Variants in CDYL observed in about 807,000 individuals in gnomAD.
The protein encoded by CDYL is chromodomain Y-like protein.
A neutral mutation model predicts 47.3 loss-of-function variants in CDYL; 8 were observed. The observed-to-expected ratio is 0.17, with a 90% CI of 0.10 to 0.31. CDYL has a LOEUF of 0.31. Among genes scored for constraint, CDYL ranks in the 10% least tolerant of loss-of-function variants. CDYL has a pLI of 1.00. For synonymous variants in CDYL, 266 were observed against 265.0 expected (o/e 1.00, Z -0.04); for missense variants, 471 against 701.4 (o/e 0.67, Z 3.71).
At chr6:4,708,029 T>C (rs1324881860) in intron 1 of CDYL, among the ~76,000 whole-genome samples, 1 of 152,188 alleles carries the variant, frequency 6.6e-6, no homozygotes, top group Non-Finnish European at 1.5e-5. Context: ...GAAAACATTG[T>C]CAGAATGGGA....
At chr6:4,870,066 TATTC>T (rs1761431584) in intron 1 of CDYL, among the ~76,000 whole-genome samples, 1 of 152,204 alleles carries the variant, frequency 6.6e-6, no homozygotes, top group African/African-American at 2.4e-5. Flanking sequence ...AAAAATAATT[TATTC>T]ATTTATTGTT....
chr6:4,892,441 A>G, intron 2 of CDYL, 62 bp downstream of exon 2: 1 of 1,504,548 alleles, frequency 6.6e-7, no homozygotes. Context: ...GTCCTTCTCT[A>G]GAGATCAGGC....
At chr6:4,752,896 G>A (rs1758018821) in intron 3 of CDYL, among the ~76,000 whole-genome samples, 1 of 150,362 alleles carries the variant, frequency 6.7e-6, no homozygotes, top group African/African-American at 2.5e-5. Flanking sequence ...AGGTAGGTAG[G>A]TATGTAGGTA....
At chr6:4,786,821 C>G (rs1758769148) in intron 1 of CDYL, among the ~76,000 whole-genome samples, 1 of 152,166 alleles carries the variant, frequency 6.6e-6, no homozygotes, top group Admixed American at 6.5e-5. Context: ...AAGTTTCCAC[C>G]CTTTTTCTCC....
intron 2 of CDYL, among the ~76,000 whole-genome samples, chr6:4,919,056 T>C (rs1757636411): frequency 6.6e-6 from 1 of 152,204 alleles, no homozygotes; most frequent in African/African-American, 2.4e-5. Flanking sequence ...CTGTATAGTT[T>C]TGCATAGTTT....
intron 1 of CDYL, among the ~76,000 whole-genome samples, chr6:4,818,637 C>T (rs1035713618): frequency 6.6e-6 from 1 of 152,130 alleles, no homozygotes; most frequent in Non-Finnish European, 1.5e-5. Flanking sequence ...CCTTGTTTTC[C>T]TACTCATATT....
chr6:4,806,894 A>G (rs1476585236), intron 1 of CDYL, among the ~76,000 whole-genome samples: 2 of 152,246 alleles, frequency 1.3e-5, no homozygotes, highest in Non-Finnish European at 2.9e-5. Context: ...GGCTCAGGCA[A>G]CAGACATTTG....
intron 1 of CDYL, among the ~76,000 whole-genome samples, chr6:4,843,731 G>T (rs1054487573): frequency 6.6e-6 from 1 of 151,692 alleles, no homozygotes; most frequent in African/African-American, 2.4e-5. Context: ...TTCCTATCTT[G>T]TATCATTTTT....
chr6:4,868,456 C>T (rs941502779), intron 1 of CDYL, among the ~76,000 whole-genome samples: 2 of 151,794 alleles, frequency 1.3e-5, no homozygotes, highest in Non-Finnish European at 2.9e-5. Context: ...GGCCATTAAA[C>T]ACAATTTTCT....
At chr6:4,863,115 C>T (rs115065413) in intron 1 of CDYL, among the ~76,000 whole-genome samples, 1 of 152,260 alleles carries the variant, frequency 6.6e-6, no homozygotes, top group East Asian at 1.9e-4. Context: ...AAATCAAATA[C>T]CACATTTTCA....
At chr6:4,824,507 G>A (rs1759925382) in intron 1 of CDYL, among the ~76,000 whole-genome samples, 1 of 152,124 alleles carries the variant, frequency 6.6e-6, no homozygotes. Flanking sequence ...ATGCTTATTA[G>A]CTATTTGTAT....
intron 1 of CDYL, among the ~76,000 whole-genome samples, chr6:4,807,183 G>A (rs1164433146): frequency 2.0e-5 from 3 of 152,186 alleles, no homozygotes; most frequent in South Asian, 4.1e-4. Flanking sequence ...CACATTCTGA[G>A]GTTATAATGG....
At chr6:4,855,408 A>C (rs1317146904) in intron 1 of CDYL, among the ~76,000 whole-genome samples, 1 of 152,090 alleles carries the variant, frequency 6.6e-6, no homozygotes, top group Admixed American at 6.5e-5. Context: ...CTCCCACCTC[A>C]TCCTCTGGAG....
intron 2 of CDYL, among the ~76,000 whole-genome samples, chr6:4,917,374 G>A (rs922463395): frequency 2.0e-5 from 3 of 152,182 alleles, no homozygotes; most frequent in Non-Finnish European, 4.4e-5. Flanking sequence ...CCACAAGACT[G>A]ACTGTTTCTG....
intron 3 of CDYL, among the ~76,000 whole-genome samples, chr6:4,752,911 GATA>G (rs1758019603): frequency 1.3e-5 from 2 of 148,434 alleles, no homozygotes; most frequent in Non-Finnish European, 3.0e-5. Flanking sequence ...TAGGTAGGTA[GATA>G]GATAGATAGA....
At chr6:4,711,181 T>C (rs1757146607) in intron 1 of CDYL, among the ~76,000 whole-genome samples, 1 of 152,186 alleles carries the variant, frequency 6.6e-6, no homozygotes, top group East Asian at 1.9e-4. Context: ...GCTAAGATTC[T>C]GTGGCCATGA....
At chr6:4,752,788 C>T (rs974583092) in intron 3 of CDYL, among the ~76,000 whole-genome samples, 6 of 151,782 alleles carry the variant, frequency 4.0e-5, no homozygotes, top group African/African-American at 1.2e-4. Flanking sequence ...AATTAGACAC[C>T]CTGGGAGCTT....
intron 2 of CDYL, among the ~76,000 whole-genome samples, chr6:4,723,729 G>C (rs189508404): frequency 3.3e-4 from 50 of 152,322 alleles, no homozygotes; most frequent in African/African-American, 1.2e-3. Context: ...AGGGCAGAGT[G>C]AGTCTGAAGG....
intron 1 of CDYL, among the ~76,000 whole-genome samples, chr6:4,871,684 T>G (rs575292180): frequency 6.6e-6 from 1 of 152,266 alleles, no homozygotes; most frequent in South Asian, 2.1e-4. Flanking sequence ...TGGGATTTTT[T>G]GTAAAATTTA....
Sources: gnomAD v4.1 joint callset for allele counts (sites outside exome capture counted in the v4.1 genomes callset) on GRCh38, gnomAD v4.1.1 for gene constraint, MANE v1.5 for transcripts, NCBI Gene and HGNC (gene_info 2026-07-23, HGNC 2026-07-21) for gene names.